Variants in EPHA6 observed in about 807,000 individuals in gnomAD.
EPHA6 encodes the protein EPH receptor A6, also known as ephrin type-A receptor 6.
A neutral mutation model predicts 112.0 loss-of-function variants in EPHA6; 50 were observed. That is an observed-to-expected ratio of 0.45 (90% CI 0.36 to 0.56). The LOEUF (loss-of-function observed/expected upper bound fraction) is 0.56. Among genes scored for constraint, EPHA6 ranks in the 20% least tolerant of loss-of-function variants. EPHA6 has a pLI of 0.00. For missense variants in EPHA6, 1,280 were observed against 1,417.4 expected (o/e 0.90, Z 1.56); for synonymous variants, 529 against 490.7 (o/e 1.08, Z -1.03).
At chr3:96,971,412 G>C (rs1307567115) in intron 2 of EPHA6, among the ~76,000 whole-genome samples, 1 of 152,062 alleles carries the variant, frequency 6.6e-6, no homozygotes, top group Non-Finnish European at 1.5e-5. Context: ...AAATAGAAAT[G>C]TATCTGCACA....
At chr3:97,423,901 A>G (rs1282750151) in intron 6 of EPHA6, among the ~76,000 whole-genome samples, 1 of 152,184 alleles carries the variant, frequency 6.6e-6, no homozygotes, top group Non-Finnish European at 1.5e-5. Context: ...AGTGATGGGG[A>G]AAGGACTCTC....
At chr3:97,234,816 T>C (rs548933525) in intron 4 of EPHA6, among the ~76,000 whole-genome samples, 1 of 152,266 alleles carries the variant, frequency 6.6e-6, no homozygotes, top group Admixed American at 6.5e-5. Context: ...GATGCCCATA[T>C]TTTTATCCAT....
chr3:97,497,692 T>C (rs537816250), intron 10 of EPHA6, among the ~76,000 whole-genome samples: 3 of 152,254 alleles, frequency 2.0e-5, no homozygotes, highest in African/African-American at 7.2e-5. Context: ...ATTAAATGAC[T>C]TTATTCTCAA....
intron 5 of EPHA6, among the ~76,000 whole-genome samples, chr3:97,297,111 G>A (rs2080899854): frequency 6.6e-6 from 1 of 152,124 alleles, no homozygotes; most frequent in African/African-American, 2.4e-5. Context: ...GAGGCCCTGT[G>A]AGGGTTGAGA....
At chr3:97,041,604 T>C (rs2045317503) in intron 3 of EPHA6, among the ~76,000 whole-genome samples, 1 of 152,112 alleles carries the variant, frequency 6.6e-6, no homozygotes, top group Non-Finnish European at 1.5e-5. Flanking sequence ...TACCAACCTG[T>C]AGTCTATTCT....
chr3:97,044,739 A>G lies in EPHA6; in HGVS notation c.1114+56746A>G, dbSNP rs535724380. The stretch of plus-strand genomic sequence containing the variant: ...GAAAAAAAAAAATCTCTGGATTTGT[A>G]TGCGGGACACCGACTCAATTGGCTT... On this transcript the variant is annotated intron_variant, in intron 3 of 17. Coordinates refer to ENST00000389672, the MANE Select transcript of EPHA6 (RefSeq NM_001080448.3). 6.6e-5 allele frequency among the ~76,000 whole-genome samples: 10 copies of G among 152,266 alleles called. No individual in the cohort carries two copies. In the South Asian group the frequency reaches 1.7e-3, roughly 25 times the overall value.
intron 3 of EPHA6, among the ~76,000 whole-genome samples, chr3:97,038,598 G>A (rs1285406444): frequency 6.6e-6 from 1 of 152,038 alleles, no homozygotes; most frequent in African/African-American, 2.4e-5. Context: ...GATTTAAAGA[G>A]CAGAGTTTTC....
chr3:97,493,315 G>A (rs1231199783), intron 10 of EPHA6, among the ~76,000 whole-genome samples: 1 of 151,944 alleles, frequency 6.6e-6, no homozygotes, highest in Non-Finnish European at 1.5e-5. Flanking sequence ...ATCACAGATT[G>A]GGTGGCTTAA....
intron 3 of EPHA6, among the ~76,000 whole-genome samples, chr3:97,134,929 T>G (rs555826002): frequency 6.6e-6 from 1 of 152,274 alleles, no homozygotes; most frequent in South Asian, 2.1e-4. Flanking sequence ...CCCTGGTTGA[T>G]GAAACTCCCC....
intron 6 of EPHA6, among the ~76,000 whole-genome samples, chr3:97,431,611 A>C (rs941132087): frequency 1.3e-5 from 2 of 152,114 alleles, no homozygotes; most frequent in Non-Finnish European, 2.9e-5. Context: ...CATCCTATCT[A>C]ATTTAGTAAT....
At chr3:97,020,173 C>T (rs2044403510) in intron 3 of EPHA6, among the ~76,000 whole-genome samples, 2 of 152,130 alleles carry the variant, frequency 1.3e-5, no homozygotes, top group South Asian at 4.1e-4. Flanking sequence ...AGACTGAGCC[C>T]CAACTGCAAT....
At chr3:97,449,603 A>G (rs1323320384) in intron 7 of EPHA6, among the ~76,000 whole-genome samples, 8 of 152,130 alleles carry the variant, frequency 5.3e-5, no homozygotes, top group African/African-American at 1.9e-4. Flanking sequence ...AAACCTTTCA[A>G]CATCCAGTGA....
intron 5 of EPHA6, among the ~76,000 whole-genome samples, chr3:97,388,087 C>T (rs1366472154): frequency 2.0e-5 from 3 of 152,174 alleles, no homozygotes; most frequent in African/African-American, 7.2e-5. Flanking sequence ...CCAGGCCCCT[C>T]CTCCAATATC....
At position 97,061,481 on chromosome 3, in the gene EPHA6, G is replaced by C. The variant is rs151223119; in HGVS notation, c.1114+73488G>C. 5.7e-3 allele frequency among the ~76,000 whole-genome samples: 864 copies of C among 152,270 alleles called. 11 individuals are homozygous for C. The highest frequency in any genetic ancestry group is 0.019 in the African/African-American group (799 of 41,562). On this transcript the variant is annotated intron_variant, in intron 3 of 17. Transcript: ENST00000389672. ...CTCAAGTAGATGTTGATCAGCTTAA[G>C]TAATTGCAAGGATCAGCCCTGTATT...
At chr3:97,341,636 C>T (rs936472783) in intron 5 of EPHA6, among the ~76,000 whole-genome samples, 18 of 152,058 alleles carry the variant, frequency 1.2e-4, no homozygotes, top group Non-Finnish European at 1.2e-4. Context: ...TACTCCTTCA[C>T]TGCCAATTTT....
chr3:97,328,078 T>TATATATATATA (rs1309698190), intron 5 of EPHA6, among the ~76,000 whole-genome samples: 1 of 138,420 alleles, frequency 7.2e-6, no homozygotes, highest in Non-Finnish European at 1.5e-5. Context: ...TATATATATA[T>TATATATATATA]AACCTGTTTT....
chr3:97,128,199 T>C (rs1278037820), intron 3 of EPHA6, among the ~76,000 whole-genome samples: 1 of 152,202 alleles, frequency 6.6e-6, no homozygotes, highest in African/African-American at 2.4e-5. Flanking sequence ...TTTATTCTTT[T>C]TTGTGGCTGA....
At chr3:97,160,870 T>C (rs1371133848) in intron 3 of EPHA6, among the ~76,000 whole-genome samples, 1 of 152,156 alleles carries the variant, frequency 6.6e-6, no homozygotes, top group Non-Finnish European at 1.5e-5. Flanking sequence ...CTGTCTACTT[T>C]TGAGTGGTGC....
At chr3:97,421,081 G>T (rs962773987) in intron 6 of EPHA6, among the ~76,000 whole-genome samples, 1 of 151,874 alleles carries the variant, frequency 6.6e-6, no homozygotes, top group Non-Finnish European at 1.5e-5. Flanking sequence ...CAAGCAAATA[G>T]CCGTCTTAGT....
Sources: gnomAD v4.1 joint callset for allele counts (sites outside exome capture counted in the v4.1 genomes callset) on GRCh38, gnomAD v4.1.1 for gene constraint, MANE v1.5 for transcripts, NCBI Gene and HGNC (gene_info 2026-07-23, HGNC 2026-07-21) for gene names.